CDH13: variants seen among roughly 807,000 people sequenced by gnomAD.
CDH13 encodes cadherin-13.
CDH13 carries 24 observed loss-of-function variants against 63.8 expected under a neutral mutation model. The observed-to-expected ratio is 0.38, with a 90% CI of 0.27 to 0.53. The LOEUF is 0.53. CDH13 is among the 20% of genes least tolerant of loss of function. The probability of loss-of-function intolerance (pLI) is 0.85; values close to 1 mark genes in which losing one functional copy is unlikely to be tolerated. For missense variants in CDH13, 1,049 were observed against 903.1 expected, an observed-to-expected ratio of 1.16 and a Z score of -2.07; for synonymous variants, 503 against 355.3, an observed-to-expected ratio of 1.42 and a Z score of -4.67.
At position 83,800,290 on chromosome 16, in the gene CDH13, A is replaced by G. The variant is rs1305739685; in HGVS notation, c.*5260A>G. 6.6e-6 allele frequency: 1 copy of G among 152,182 alleles called. No homozygotes were observed. The highest frequency in any genetic ancestry group is 1.9e-4 in the East Asian group (1 of 5,196). 9.4% of individuals were successfully genotyped at this position (152,182 alleles called of 1,614,324 possible). On this transcript the variant is annotated 3_prime_UTR_variant, in exon 14 of 14. Coordinates refer to ENST00000567109, the MANE Select transcript of CDH13 (RefSeq NM_001257.5). ...AAAGCTTTTTCTTTAGAGAGTACTA[A>G]AGCCATTCTATATCTGTCGTACACA...
intron 3 of CDH13, among the ~76,000 whole-genome samples, chr16:83,108,942 C>A (rs1176223493): frequency 6.6e-6 from 1 of 152,178 alleles, no homozygotes; most frequent in Non-Finnish European, 1.5e-5. Flanking sequence ...GTTAATGCTT[C>A]CCTCATCAGC....
chr16:82,906,269 T>G (rs2041645205), intron 2 of CDH13, among the ~76,000 whole-genome samples: 1 of 152,126 alleles, frequency 6.6e-6, no homozygotes, highest in African/African-American at 2.4e-5. Context: ...ATCTCCCCAC[T>G]AAGCTTATAG....
rs574603905 is a variant in CDH13, at chr16:82,627,418, CT to C, written c.45+287del. 2.7e-3 allele frequency among the ~76,000 whole-genome samples: 395 copies of C among 147,484 alleles called. 3 individuals are homozygous for C. The highest frequency in any genetic ancestry group is 9.5e-3 in the African/African-American group (384 of 40,370). On this transcript the variant is annotated intron_variant, in intron 1 of 13. Transcript: ENST00000567109. ...CGGGAGGAGGAGAGAGCTCCCAGTC[CT>C]TTTTTGCTAGCAGGGGCGACATTCT...
intron 1 of CDH13, among the ~76,000 whole-genome samples, chr16:82,697,767 G>GTGTA (rs1555535674): frequency 1.1e-3 from 159 of 147,930 alleles, no homozygotes; most frequent in African/African-American, 3.8e-3. Context: ...GTGTGTGTGT[G>GTGTA]TGTGTGTGTG....
chr16:83,575,571 C>T (rs994836116), intron 7 of CDH13, among the ~76,000 whole-genome samples: 7 of 152,164 alleles, frequency 4.6e-5, no homozygotes, highest in African/African-American at 9.7e-5. Flanking sequence ...TTCACCCATG[C>T]CCATCCCAGG....
At chr16:83,748,699 T>A (rs1912816920) in intron 11 of CDH13, among the ~76,000 whole-genome samples, 1 of 152,202 alleles carries the variant, frequency 6.6e-6, no homozygotes, top group Admixed American at 6.5e-5. Context: ...TCAGGTACCC[T>A]CAGTTAGTGG....
chr16:83,362,255 C>T (rs1219194512), intron 6 of CDH13, among the ~76,000 whole-genome samples: 4 of 152,144 alleles, frequency 2.6e-5, no homozygotes, highest in Non-Finnish European at 5.9e-5. Flanking sequence ...ATTCATGAGG[C>T]AATCTGAGAC....
chr16:82,739,377 C>G (rs2033831190), intron 1 of CDH13, among the ~76,000 whole-genome samples: 1 of 152,164 alleles, frequency 6.6e-6, no homozygotes, highest in African/African-American at 2.4e-5. Context: ...CATTTAAATT[C>G]AAATTTAGAA....
At chr16:83,634,115 T>TTGTGTGTGTG (rs1454869281) in intron 8 of CDH13, among the ~76,000 whole-genome samples, 3 of 135,790 alleles carry the variant, frequency 2.2e-5, no homozygotes, top group South Asian at 4.7e-4. Context: ...TTTGTGTGTT[T>TTGTGTGTGTG]TCTGTGTGTG....
chr16:83,545,175 G>A (rs764771172), intron 7 of CDH13, among the ~76,000 whole-genome samples: 11 of 152,102 alleles, frequency 7.2e-5, no homozygotes, highest in South Asian at 2.1e-4. Context: ...GAAGTTGTTC[G>A]ATGTTAAATC....
intron 6 of CDH13, chr16:83,396,696 T>C (rs1378322071): frequency 1.3e-5 from 2 of 152,116 alleles, no homozygotes; most frequent in East Asian, 1.9e-4. Flanking sequence ...TAAGCAGTAA[T>C]TGAAGGAGGA....
chr16:83,036,596 G>T lies in CDH13; in HGVS notation c.366+4378G>T, dbSNP rs1007458228. 3.9e-5 allele frequency among the ~76,000 whole-genome samples: 6 copies of T among 152,238 alleles called. 1 individual carries two copies. Among genetic ancestry groups the T allele is most frequent in the Non-Finnish European group, 1.5e-5 (1 of 68,026 alleles). ...ATGCCAGATTGTCAGGACCAGCTCA[G>T]TGCCCTTCCCACTTTCCCTCTTCCC... is the stretch of plus-strand genomic sequence containing the variant. On this transcript the variant is annotated intron_variant, in intron 3 of 13. Transcript: ENST00000567109.
chr16:82,760,060 C>G (rs868555944), intron 1 of CDH13, among the ~76,000 whole-genome samples: 1 of 152,180 alleles, frequency 6.6e-6, no homozygotes, highest in African/African-American at 2.4e-5. Flanking sequence ...GAGCATTCTA[C>G]TCTAATCTTG....
intron 5 of CDH13, among the ~76,000 whole-genome samples, chr16:83,336,194 A>C (rs1477703650): frequency 6.6e-6 from 1 of 151,636 alleles, no homozygotes; most frequent in African/African-American, 2.4e-5. Context: ...GCAGCTACTC[A>C]GGAGGCTGAG....
intron 1 of CDH13, among the ~76,000 whole-genome samples, chr16:82,851,420 G>C (rs1160049723): frequency 7.6e-6 from 1 of 132,156 alleles, no homozygotes; most frequent in African/African-American, 2.8e-5. Context: ...GGGTGACAGA[G>C]TGAGATTTCG....
chr16:82,903,368 T>A (rs1011127576), intron 2 of CDH13, among the ~76,000 whole-genome samples: 2 of 152,230 alleles, frequency 1.3e-5, no homozygotes, highest in African/African-American at 4.8e-5. Context: ...TGGGTTGGTG[T>A]TTGACCCTGT....
intron 10 of CDH13, among the ~76,000 whole-genome samples, chr16:83,724,723 C>T (rs760225905): frequency 1.5e-4 from 23 of 152,194 alleles, no homozygotes; most frequent in South Asian, 4.1e-4. Context: ...TTACTTTCCC[C>T]TCCCTTCCCA....
chr16:83,197,533 TCTCCC>T (rs1352772570), intron 4 of CDH13, among the ~76,000 whole-genome samples: 2 of 152,008 alleles, frequency 1.3e-5, no homozygotes, highest in Non-Finnish European at 2.9e-5. Flanking sequence ...CACCCCTTCG[TCTCCC>T]CTCCCCACCC....
At chr16:82,789,698 A>G (rs1447049449) in intron 1 of CDH13, among the ~76,000 whole-genome samples, 4 of 152,214 alleles carry the variant, frequency 2.6e-5, no homozygotes, top group African/African-American at 7.2e-5. Context: ...TATTTCATAA[A>G]CAGGGCTGTG....
Sources: gnomAD v4.1 joint callset for allele counts (sites outside exome capture counted in the v4.1 genomes callset) on GRCh38, gnomAD v4.1.1 for gene constraint, MANE v1.5 for transcripts, NCBI Gene and HGNC (gene_info 2026-07-23, HGNC 2026-07-21) for gene names.